Variants in KIF3B observed in about 807,000 individuals in gnomAD.
KIF3B encodes the protein kinesin-like protein KIF3B.
Under a neutral mutation model 74.3 loss-of-function variants are expected in KIF3B, and 38 were observed. The ratio of observed to expected loss-of-function variants is 0.51; its 90% CI spans 0.39 to 0.67. KIF3B has a LOEUF of 0.67. Among genes scored for constraint, KIF3B ranks in the 30% least tolerant of loss-of-function variants. The probability of loss-of-function intolerance (pLI) is 0.00; values close to 1 mark genes in which losing one functional copy is unlikely to be tolerated. For synonymous variants in KIF3B, 326 were observed against 342.5 expected (o/e 0.95, Z 0.53); for missense variants, 649 against 932.0 (o/e 0.70, Z 3.95).
chr20:32,330,361 G>T, intron 8 of KIF3B, 42 bp downstream of exon 8: 1 of 1,563,926 alleles, frequency 6.4e-7, no homozygotes, highest in South Asian at 1.1e-5. Flanking sequence ...GAACATGTTT[G>T]AACAAGGACA....
chr20:32,316,723 C>T lies in KIF3B; in HGVS notation c.1630-33C>T, dbSNP rs141321389. The T allele has an allele frequency of 2.4e-5, 38 of 1,613,048 alleles. No homozygotes were observed. In the African/African-American group the frequency reaches 5.1e-4, roughly 22 times the overall value. On this transcript the variant is annotated intron_variant, in intron 4 of 8. Coordinates refer to ENST00000375712, the MANE Select transcript of KIF3B (RefSeq NM_004798.4). ...GGGAGAACTCTACCCTTTGGACAGA[C>T]ACCCTCCTCACCTGCCTCTCCCCTC... is the stretch of plus-strand genomic sequence containing the variant.
chr20:32,311,169 C>T lies in KIF3B; in HGVS notation c.1392C>T (p.Gly464=), dbSNP rs766829358. The part of the protein sequence containing the change: ...RREKDAAEML[G]AKIKAMESKL... ...AGAAGGATGCTGCCGAGATGCTGGGCGCCAAGATCAAGGTACCATACCCGT... is the reference window on the plus strand; with the variant it reads ...AGAAGGATGCTGCCGAGATGCTGGGTGCCAAGATCAAGGTACCATACCCGT... Residue 464 remains glycine, a synonymous_variant, in exon 2 of 9, where the codon GGC becomes GGT. Transcript: ENST00000375712. 1.5e-5 allele frequency: 24 copies of T among 1,608,382 alleles called. No individual in the cohort carries two copies. The highest frequency in any genetic ancestry group is 1.2e-4 in the South Asian group (11 of 90,088).
chr20:32,323,138 ATATATTTATATATTTATATTTATATATT>A (rs59041472), intron 5 of KIF3B, among the ~76,000 whole-genome samples: 7 of 93,502 alleles, frequency 7.5e-5, no homozygotes, highest in East Asian at 5.9e-4. Flanking sequence ...ATATATTTAC[ATATATTTATATATTTATATTTATATATT>A]TATATTTATA....
chr20:32,285,133 T>C (rs35707051), intron 1 of KIF3B, among the ~76,000 whole-genome samples: 259 of 147,810 alleles, frequency 1.8e-3, no homozygotes, highest in African/African-American at 6.1e-3. Flanking sequence ...CTTGAAAGAA[T>C]GTTTGAGAAA....
rs1249337931 is a variant in KIF3B at position 32,277,665 on chromosome 20, T to G, written c.-166T>G. ...AGTGAGCGGCCACTGTCTCTCCCCA[T>G]CCGGGGCAGCGGGGAATGGCTGAGC... is the stretch of plus-strand genomic sequence containing the variant. On this transcript the variant is annotated 5_prime_UTR_variant, in exon 1 of 9. Transcript: ENST00000375712. 1 of 234,542 alleles carries G rather than the reference T, an allele frequency of 4.3e-6. No homozygotes were observed. Among genetic ancestry groups the G allele is most frequent in the Non-Finnish European group, 7.9e-6 (1 of 125,966 alleles). The allele number at this position is 234,542 out of a possible 1,614,324, so 14.5% of individuals were successfully genotyped here. A position where few individuals can be genotyped will look rare whatever the true frequency, so the allele number is the denominator to read the frequency against.
intron 1 of KIF3B, among the ~76,000 whole-genome samples, chr20:32,286,220 C>T (rs1391129657): frequency 6.6e-6 from 1 of 152,174 alleles, no homozygotes; most frequent in Admixed American, 6.5e-5. Flanking sequence ...TTCATATCAC[C>T]TTCAGCAGTG....
intron 1 of KIF3B, among the ~76,000 whole-genome samples, chr20:32,287,586 G>A (rs889523127): frequency 1.3e-5 from 2 of 152,138 alleles, no homozygotes; most frequent in Non-Finnish European, 2.9e-5. Context: ...CTCCCAAAGT[G>A]CTGAGACTAC....
intron 1 of KIF3B, among the ~76,000 whole-genome samples, chr20:32,294,893 A>G (rs1202554155): frequency 6.6e-6 from 1 of 152,194 alleles, no homozygotes; most frequent in African/African-American, 2.4e-5. Flanking sequence ...ATATGTCTTG[A>G]ATATTGCCCA....
chr20:32,320,548 T>G (rs970730388), intron 5 of KIF3B, among the ~76,000 whole-genome samples: 3 of 151,074 alleles, frequency 2.0e-5, no homozygotes, highest in African/African-American at 4.9e-5. Flanking sequence ...AGATAAGGCC[T>G]TCTTCTGTCA....
chr20:32,278,432 TA>T (rs1016520646), intron 1 of KIF3B, among the ~76,000 whole-genome samples: 2 of 152,108 alleles, frequency 1.3e-5, no homozygotes, highest in African/African-American at 4.8e-5. Context: ...TGGCACATAG[TA>T]AGTGCTCAAC....
At position 32,331,235 on chromosome 20, in the gene KIF3B, A is replaced by G. The variant is rs1242639027; in HGVS notation, c.2160A>G (p.Gly720=). 8.1e-6 allele frequency: 13 copies of G among 1,613,554 alleles called. No individual in the cohort carries two copies. Among genetic ancestry groups the G allele is most frequent in the Admixed American group, 5.0e-5 (3 of 59,912 alleles). ...NKKSKARPKS[G]RKSGSSSSSS... ...TTGACTTTTGCAGGCCTAAAAGTGG[A>G]AGGAAGTCGGGATCCTCCTCCTCTT... Residue 720 remains glycine (G), a synonymous_variant, in exon 9 of 9, where the codon GGA becomes GGG. Coordinates refer to ENST00000375712, the MANE Select transcript of KIF3B (RefSeq NM_004798.4).
At chr20:32,281,534 G>C (rs919880477) in intron 1 of KIF3B, among the ~76,000 whole-genome samples, 1 of 152,098 alleles carries the variant, frequency 6.6e-6, no homozygotes, top group African/African-American at 2.4e-5. Context: ...ATAAGTGCTG[G>C]GGTGAAATCC....
In KIF3B at chr20:32,309,920, G is replaced by A; in HGVS notation, c.143G>A (p.Gly48Glu). The change falls in exon 2 of 9, where the codon GGG becomes GAG. Residue 48 changes from glycine (G) to glutamate (E), a missense_variant. Coordinates refer to ENST00000375712, the MANE Select transcript of KIF3B (RefSeq NM_004798.4). ...LGQVSVKNPK[G>E]TAHEMPKTFT... ...CAGGTGTCTGTGAAGAACCCCAAAG[G>A]GACGGCCCATGAAATGCCCAAGACC... is the stretch of plus-strand genomic sequence containing the variant. 2 of 1,614,076 alleles carry A rather than the reference G, an allele frequency of 1.2e-6. No homozygotes were observed. Among genetic ancestry groups the A allele is most frequent in the Non-Finnish European group, 1.7e-6 (2 of 1,180,026 alleles).
At position 32,326,838 on chromosome 20, in the gene KIF3B, G is replaced by A; in HGVS notation, c.1816G>A (p.Asp606Asn). 1.3e-6 allele frequency: 2 copies of A among 1,594,148 alleles called. No homozygotes were observed. Among genetic ancestry groups the A allele is most frequent in the Admixed American group, 1.7e-5 (1 of 59,012 alleles). ...TAAAATTATGAATAGAGCCTTCTTT[G>A]ATGAAGAGGAAGATCATTGGAAACT... ...KSKIMNRAFF[D>N]EEEDHWKLHP... The change falls in exon 6 of 9, where the codon GAT (aspartate) becomes AAT (asparagine). Residue 606 changes from aspartate (D) to asparagine (N), a missense_variant. Physicochemically the swap from Asp to Asn is conservative, Grantham distance 23. This residue lies in a region of KIF3B where 186 missense variants were observed against 198.5 expected (regional missense o/e 0.94). Coordinates refer to ENST00000375712, the MANE Select transcript of KIF3B (RefSeq NM_004798.4).
rs953129593 is a variant in KIF3B at position 32,312,975 on chromosome 20, G to T, written c.1404+1794G>T. ...GCATATAGTATAGCCTCTCAGTGCA[G>T]TTTCAGTATGCAGTACCCTGATTAC... On this transcript the variant is annotated intron_variant, in intron 2 of 8. Transcript: ENST00000375712. 1.3e-5 allele frequency among the ~76,000 whole-genome samples: 2 copies of T among 152,156 alleles called. 1 individual carries two copies. Among genetic ancestry groups the T allele is most frequent in the South Asian group, 4.1e-4 (2 of 4,832 alleles).
chr20:32,286,004 A>G (rs1050439324), intron 1 of KIF3B, among the ~76,000 whole-genome samples: 18 of 152,180 alleles, frequency 1.2e-4, no homozygotes, highest in African/African-American at 4.3e-4. Context: ...TAGCATGCTG[A>G]TTTATTTAAC....
intron 7 of KIF3B, 130 bp from the exon 8 acceptor site, chr20:32,330,011 C>A: frequency 2.7e-6 from 2 of 728,316 alleles, no homozygotes; most frequent in Non-Finnish European, 4.2e-6. Context: ...TTCTTTCAGG[C>A]AGGCTCTTTC....
rs2047938642 is a variant in KIF3B, at chr20:32,333,318, A to C, written c.*1999A>C. 1 of 152,132 alleles carries C rather than the reference A, an allele frequency of 6.6e-6. No individual in the cohort carries two copies. The highest frequency in any genetic ancestry group is 2.4e-5 in the African/African-American group (1 of 41,428). 9.4% of individuals were successfully genotyped at this position (152,132 alleles called of 1,614,324 possible). On this transcript the variant is annotated 3_prime_UTR_variant, in exon 9 of 9. Transcript: ENST00000375712. ...TTCTGTAGGCTAAAAATATTCATGT[A>C]GCAAATCTGAGAATTGAAAACTGCA... is the stretch of plus-strand genomic sequence containing the variant.
At chr20:32,313,187 T>C (rs1375208334) in intron 2 of KIF3B, among the ~76,000 whole-genome samples, 6 of 152,168 alleles carry the variant, frequency 3.9e-5, no homozygotes, top group Admixed American at 3.9e-4. Flanking sequence ...CTGGTGGCAA[T>C]GCACTATGCC....
Sources: gnomAD v4.1 joint callset for allele counts (sites outside exome capture counted in the v4.1 genomes callset) on GRCh38, gnomAD v4.1.1 for gene constraint, gnomAD v4.1.1 regional missense constraint, MANE v1.5 for transcripts, NCBI Gene and HGNC (gene_info 2026-07-23, HGNC 2026-07-21) for gene names.